The following ZFAND6 variants were observed in gnomAD, a reference collection of about 807,000 sequenced individuals.
ZFAND6 encodes the protein AN1-type zinc finger protein 6.
In ZFAND6, 12 loss-of-function variants were observed where a neutral mutation model predicts 24.5. That is an observed-to-expected ratio of 0.49 (90% CI 0.31 to 0.79). ZFAND6 has a LOEUF of 0.79. Ranked by LOEUF, ZFAND6 falls within the 30% of genes least tolerant of loss-of-function variation. The probability of loss-of-function intolerance (pLI) is 0.04; values close to 1 mark genes in which losing one functional copy is unlikely to be tolerated. For missense variants in ZFAND6, 207 were observed against 245.9 expected, an observed-to-expected ratio of 0.84 and a Z score of 1.06; for synonymous variants, 92 against 81.5, an observed-to-expected ratio of 1.13 and a Z score of -0.69.
intron 1 of ZFAND6, among the ~76,000 whole-genome samples, chr15:80,092,525 T>C (rs982606774): frequency 3.3e-5 from 5 of 152,124 alleles, no homozygotes; most frequent in African/African-American, 1.2e-4. Context: ...TGTTAACATG[T>C]TTTATTAGAG....
chr15:80,133,993 T>G (rs573860600), intron 6 of ZFAND6, among the ~76,000 whole-genome samples: 4 of 152,028 alleles, frequency 2.6e-5, no homozygotes, highest in Admixed American at 1.3e-4. Context: ...GTTGGGTTTT[T>G]TTTTTTTTTT....
chr15:80,078,455 C>G (rs2037424456), intron 1 of ZFAND6, among the ~76,000 whole-genome samples: 1 of 152,190 alleles, frequency 6.6e-6, no homozygotes, highest in African/African-American at 2.4e-5. Flanking sequence ...ATGTAGTCCA[C>G]TGTTGATGGG....
At chr15:80,098,672 A>G (rs965104418) in intron 2 of ZFAND6, 94 bp downstream of exon 2, 18 of 152,328 alleles carry the variant, frequency 1.2e-4, no homozygotes, top group African/African-American at 4.1e-4. Flanking sequence ...GACCTAAGTC[A>G]TCATGATGAG....
chr15:80,067,828 T>G (rs80315690), intron 1 of ZFAND6, among the ~76,000 whole-genome samples: 4 of 152,198 alleles, frequency 2.6e-5, no homozygotes, highest in Non-Finnish European at 4.4e-5. Context: ...GTATTAAGTT[T>G]GAAATAGGAA....
chr15:80,136,396 C>T (rs1417969202), intron 6 of ZFAND6, among the ~76,000 whole-genome samples: 4 of 151,350 alleles, frequency 2.6e-5, no homozygotes, highest in East Asian at 3.9e-4. Context: ...ACGCAGGAGG[C>T]GGAGATTGTG....
intron 1 of ZFAND6, among the ~76,000 whole-genome samples, chr15:80,094,830 G>A (rs2038620729): frequency 6.6e-6 from 1 of 151,826 alleles, no homozygotes; most frequent in Non-Finnish European, 1.5e-5. Flanking sequence ...TTGTATCCCA[G>A]GCTGGAGTGC....
intron 1 of ZFAND6, among the ~76,000 whole-genome samples, chr15:80,085,860 A>G (rs2037965852): frequency 6.6e-6 from 1 of 152,118 alleles, no homozygotes; most frequent in African/African-American, 2.4e-5. Flanking sequence ...GTGTGTTTAT[A>G]ATACTGTATT....
At chr15:80,075,792 A>G (rs1307731230) in intron 1 of ZFAND6, among the ~76,000 whole-genome samples, 1 of 152,134 alleles carries the variant, frequency 6.6e-6, no homozygotes, top group East Asian at 1.9e-4. Flanking sequence ...CTGTGTTTGT[A>G]TGCCATCGGA....
At chr15:80,128,027 C>T (rs190109467) in intron 5 of ZFAND6, among the ~76,000 whole-genome samples, 1 of 152,152 alleles carries the variant, frequency 6.6e-6, no homozygotes, top group African/African-American at 2.4e-5. Flanking sequence ...AATTCTGATA[C>T]ATGCCACAGT....
intron 1 of ZFAND6, among the ~76,000 whole-genome samples, chr15:80,085,291 C>A (rs1425948391): frequency 1.3e-5 from 2 of 152,200 alleles, no homozygotes; most frequent in African/African-American, 4.8e-5. Context: ...CTTTCCACTA[C>A]TGTGAATGCT....
intron 1 of ZFAND6, among the ~76,000 whole-genome samples, chr15:80,092,837 C>G (rs1340540541): frequency 1.3e-5 from 2 of 152,010 alleles, no homozygotes; most frequent in Non-Finnish European, 1.5e-5. Context: ...AAAAATGTTT[C>G]AAATGAATTA....
intron 5 of ZFAND6, among the ~76,000 whole-genome samples, chr15:80,128,291 G>T (rs1158377285): frequency 1.3e-5 from 2 of 152,176 alleles, no homozygotes; most frequent in African/African-American, 4.8e-5. Flanking sequence ...CCACTGAATT[G>T]TATACTTTAA....
intron 2 of ZFAND6, among the ~76,000 whole-genome samples, chr15:80,103,442 A>T (rs907799808): frequency 6.6e-6 from 1 of 152,190 alleles, no homozygotes; most frequent in Non-Finnish European, 1.5e-5. Flanking sequence ...CACTCAGAAC[A>T]TCTCAATTCA....
chr15:80,136,773 C>T (rs1019800413), intron 6 of ZFAND6, among the ~76,000 whole-genome samples: 2 of 152,058 alleles, frequency 1.3e-5, no homozygotes, highest in Non-Finnish European at 2.9e-5. Flanking sequence ...CTGGCTGCAC[C>T]CATTACATCT....
intron 2 of ZFAND6, 115 bp from the exon 3 acceptor site, chr15:80,120,213 G>A (rs2040086223): frequency 1.2e-6 from 1 of 830,830 alleles, no homozygotes; most frequent in Non-Finnish European, 1.7e-6. Context: ...GGACAGTTAT[G>A]TAGAATAGTT....
At chr15:80,074,188 G>T (rs75229260) in intron 1 of ZFAND6, among the ~76,000 whole-genome samples, 1,925 of 152,016 alleles carry the variant, frequency 0.013, 35 homozygotes, top group African/African-American at 0.044. Flanking sequence ...CACTTTCCAA[G>T]ATGTAGATGG....
At chr15:80,078,758 C>G (rs1194098764) in intron 1 of ZFAND6, among the ~76,000 whole-genome samples, 1 of 152,016 alleles carries the variant, frequency 6.6e-6, no homozygotes, top group Non-Finnish European at 1.5e-5. Flanking sequence ...GCCATTCTGA[C>G]TGGCTTGAGA....
intron 1 of ZFAND6, among the ~76,000 whole-genome samples, chr15:80,065,209 A>G (rs910283999): frequency 1.4e-4 from 21 of 151,344 alleles, no homozygotes; most frequent in African/African-American, 4.9e-4. Flanking sequence ...TTATTTTGAC[A>G]TATGTGAAGT....
At chr15:80,070,102 A>G (rs1013451681) in intron 1 of ZFAND6, among the ~76,000 whole-genome samples, 4 of 152,178 alleles carry the variant, frequency 2.6e-5, no homozygotes, top group African/African-American at 9.7e-5. Context: ...ATCCTTCAAA[A>G]TTCTAAGAAA....
Sources: gnomAD v4.1 joint callset for allele counts (sites outside exome capture counted in the v4.1 genomes callset) on GRCh38, gnomAD v4.1.1 for gene constraint, MANE v1.5 for transcripts, NCBI Gene and HGNC (gene_info 2026-07-23, HGNC 2026-07-21) for gene names.